FCGR1A: variants seen among roughly 807,000 people sequenced by gnomAD.
FCGR1A encodes Fc gamma receptor Ia.
Under a neutral mutation model 35.0 loss-of-function variants are expected in FCGR1A, and 13 were observed. That is an observed-to-expected ratio of 0.37 (90% CI 0.24 to 0.59). The LOEUF is 0.59. Among genes scored for constraint, FCGR1A ranks in the 20% least tolerant of loss-of-function variants. The pLI is 0.71. For synonymous variants in FCGR1A, 91 were observed against 164.7 expected, an observed-to-expected ratio of 0.55 and a Z score of 3.43; for missense variants, 227 against 430.0, an observed-to-expected ratio of 0.53 and a Z score of 4.17.
intron 4 of FCGR1A, among the ~76,000 whole-genome samples, chr1:149,789,498 G>A (rs2091645727): frequency 6.6e-6 from 1 of 152,172 alleles, no homozygotes; most frequent in Non-Finnish European, 1.5e-5. Context: ...AAAGGGCATG[G>A]TTACTGACCA....
chr1:149,788,463 G>A lies in FCGR1A; in HGVS notation c.405G>A (p.Val135=), dbSNP rs1553751117. 6.2e-7 allele frequency: 1 copy of A among 1,613,660 alleles called. No individual in the cohort carries two copies. Among genetic ancestry groups the A allele is most frequent in the South Asian group, 1.1e-5 (1 of 91,072 alleles). The change falls in exon 4 of 6, where the codon GTG becomes GTA. Residue 135 remains valine, a synonymous_variant. Coordinates refer to ENST00000369168, the MANE Select transcript of FCGR1A (RefSeq NM_000566.4). ...GGAAGGATAAGCTGGTGTACAATGT[G>A]CTTTACTATCGAAATGGCAAAGCCT... is the stretch of plus-strand genomic sequence containing the variant. ...HAWKDKLVYN[V]LYYRNGKAFK...
At chr1:149,793,126 C>A (rs1222314662), downstream of FCGR1A, 9 of 1,274,294 alleles carry the variant, frequency 7.1e-6, no homozygotes, top group African/African-American at 1.4e-4. Context: ...CTCAGGTGCG[C>A]CCGGCCGAGC....
In FCGR1A at chr1:149,790,274, C is replaced by T. The variant is rs1411278402; in HGVS notation, c.780C>T (p.Cys260=). 35 of 1,591,472 alleles carry T rather than the reference C, an allele frequency of 2.2e-5. No individual in the cohort carries two copies. The highest frequency in any genetic ancestry group is 1.2e-4 in the Admixed American group (7 of 56,186). Residue 260 remains cysteine (C), a synonymous_variant, in exon 5 of 6, where the codon TGC becomes TGT. Transcript: ENST00000369168. ...ARREDSGLYW[C]EAATEDGNVL... ...GAGAAGACTCTGGGTTATACTGGTG[C>T]GAGGCTGCCACAGAGGATGGAAATG...
chr1:149,798,866 G>A, the FCGR1A span, among the ~76,000 whole-genome samples: 1 of 151,892 alleles, frequency 6.6e-6, no homozygotes, highest in Non-Finnish European at 1.5e-5. Flanking sequence ...TCCTGCCTCA[G>A]CTTCCCAAAG....
chr1:149,798,733 T>A, the FCGR1A span, among the ~76,000 whole-genome samples: 1 of 152,160 alleles, frequency 6.6e-6, no homozygotes, highest in Non-Finnish European at 1.5e-5. Context: ...TGCTTCAGCC[T>A]CCTAAGTAGC....
At position 149,788,558 on chromosome 1, in the gene FCGR1A, A is replaced by T; in HGVS notation, c.500A>T (p.His167Leu). 6.2e-7 allele frequency: 1 copy of T among 1,613,976 alleles called. No homozygotes were observed. ...AACATAAGTCACAATGGCACCTACC[A>T]TTGCTCAGGCATGGGAAAGCATCGC... ...KTNISHNGTY[H>L]CSGMGKHRYT... is the part of the protein sequence containing the mutation. The change falls in exon 4 of 6, where the codon CAT becomes CTT. Residue 167 changes from histidine to leucine, a missense_variant. By Grantham distance (99) the His-to-Leu change is moderately conservative. Transcript: ENST00000369168.
rs587663236 is a variant in FCGR1A at position 149,787,510 on chromosome 1, G to A, written c.308-856G>A. 4 of 152,510 alleles carry A rather than the reference G, an allele frequency of 2.6e-5. No homozygotes were observed. In the East Asian group the frequency reaches 7.7e-4, roughly 29 times the overall value. 9.4% of individuals were successfully genotyped at this position (152,510 alleles called of 1,614,324 possible). A position where few individuals can be genotyped will look rare whatever the true frequency, so the allele number is the denominator to read the frequency against. The stretch of plus-strand genomic sequence containing the variant: ...TGTAGTAGGATGTTTATATCTGGAT[G>A]TTTGCCCTTCTGTGTGTTTGTCTTA... On this transcript the variant is annotated intron_variant, in intron 3 of 5. Transcript: ENST00000369168.
At chr1:149,792,653 A>C (rs782022984), downstream of FCGR1A, 1 of 1,276,324 alleles carries the variant, frequency 7.8e-7, no homozygotes, top group South Asian at 1.3e-5. Flanking sequence ...CTCCGCCTGT[A>C]TCTGGGGGCC....
chr1:149,799,924 A>G, the FCGR1A span, among the ~76,000 whole-genome samples: 168 of 152,200 alleles, frequency 1.1e-3, 1 homozygote, highest in African/African-American at 3.8e-3. Flanking sequence ...TCTGCAGTGG[A>G]CACCAGCTGA....
At chr1:149,786,940 G>A (rs1419522979) in intron 3 of FCGR1A, 2 of 152,070 alleles carry the variant, frequency 1.3e-5, no homozygotes, top group African/African-American at 2.4e-5. Flanking sequence ...AATATTGCAT[G>A]TGTGTTTGAA....
At chr1:149,793,006 T>G (rs1553752292), downstream of FCGR1A, 3 of 1,270,694 alleles carry the variant, frequency 2.4e-6, no homozygotes, top group East Asian at 1.8e-4. Context: ...CGTAGCTGAG[T>G]CCCTCCAACC....
chr1:149,784,088 C>T lies in FCGR1A; in HGVS notation c.138C>T (p.Leu46=). 3 of 1,611,536 alleles carry T rather than the reference C, an allele frequency of 1.9e-6. No homozygotes were observed. Among genetic ancestry groups the T allele is most frequent in the Non-Finnish European group, 1.7e-6 (2 of 1,179,816 alleles). The change falls in exon 3 of 6, where the codon CTC becomes CTT. Residue 46 remains leucine (L), a synonymous_variant. Coordinates refer to ENST00000369168, the MANE Select transcript of FCGR1A (RefSeq NM_000566.4). ...CCGTAACCTTGCACTGTGAGGTGCTCCATCTGCCTGGGAGCAGCTCTACAC... is the reference window on the plus strand; with the variant it reads ...CCGTAACCTTGCACTGTGAGGTGCTTCATCTGCCTGGGAGCAGCTCTACAC... ...EETVTLHCEV[L]HLPGSSSTQW... is the part of the protein sequence containing the mutation.
chr1:149,790,917 T>TG (rs199859873), intron 5 of FCGR1A, among the ~76,000 whole-genome samples: 2 of 151,834 alleles, frequency 1.3e-5, no homozygotes, highest in African/African-American at 2.4e-5. Flanking sequence ...AAAGTCTCCT[T>TG]GGGGGGGAAA....
At position 149,791,492 on chromosome 1, in the gene FCGR1A, G is replaced by A. The variant is rs587772264; in HGVS notation, c.1100G>A (p.Arg367Gln). Residue 367 changes from arginine (R) to glutamine (Q), a missense_variant, in exon 6 of 6, where the codon CGG becomes CAG. Coordinates refer to ENST00000369168, the MANE Select transcript of FCGR1A (RefSeq NM_000566.4). ...KEEQLQEGVHRKEPQGAT is the reference protein window; with the variant it reads ...KEEQLQEGVHQKEPQGAT ...GAACAGCTGCAGGAAGGGGTGCACC[G>A]GAAGGAGCCCCAGGGGGCCACGTAG... 47 of 1,609,540 alleles carry A rather than the reference G, an allele frequency of 2.9e-5. 1 individual carries two copies. Among genetic ancestry groups the A allele is most frequent in the African/African-American group, 1.5e-4 (11 of 74,110 alleles).
the FCGR1A span, among the ~76,000 whole-genome samples, chr1:149,797,861 C>T: frequency 1.3e-5 from 2 of 152,144 alleles, no homozygotes; most frequent in Non-Finnish European, 2.9e-5. Context: ...GATCTGCCTA[C>T]CAATTATTTT....
Position 149,789,393 on chromosome 1 carries a change from AAATAAT to A in FCGR1A, c.560-639_560-634del, listed in dbSNP as rs781855250. 1.6e-4 allele frequency among the ~76,000 whole-genome samples: 24 copies of A among 148,782 alleles called. 1 individual carries two copies. The highest frequency in any genetic ancestry group is 1.3e-3 in the Admixed American group (20 of 15,016). ...GGGCAACAGAGCGAGACTACGTCTCAAATAATAATAATAATAATAATAATAATGATG... is the reference window on the plus strand; with the variant it reads ...GGGCAACAGAGCGAGACTACGTCTCAAATAATAATAATAATAATAATGATG... On this transcript the variant is annotated intron_variant, in intron 4 of 5. Coordinates refer to ENST00000369168, the MANE Select transcript of FCGR1A (RefSeq NM_000566.4).
intron 2 of FCGR1A, chr1:149,783,601 T>C: frequency 1.1e-5 from 1 of 94,762 alleles, no homozygotes; most frequent in South Asian, 6.2e-5. Flanking sequence ...AAGAGAGGAG[T>C]TTGAACCTCC....
downstream of FCGR1A, among the ~76,000 whole-genome samples, chr1:149,794,364 G>A (rs587634944): frequency 0.011 from 1,704 of 151,614 alleles, 23 homozygotes; most frequent in Admixed American, 0.02. Context: ...GGGGTAGCAA[G>A]AAGCGAATGT....
At chr1:149,790,406 G>A (rs1264370855) in intron 5 of FCGR1A, 68 bp downstream of exon 5, 18 of 1,549,122 alleles carry the variant, frequency 1.2e-5, no homozygotes, top group African/African-American at 2.7e-5. Context: ...TGGGACTGAG[G>A]TTTGTTCAAG....
Sources: gnomAD v4.1 joint callset for allele counts (sites outside exome capture counted in the v4.1 genomes callset) on GRCh38, gnomAD v4.1.1 for gene constraint, MANE v1.5 for transcripts, NCBI Gene and HGNC (gene_info 2026-07-23, HGNC 2026-07-21) for gene names.